The following NECTIN1 variants were observed in gnomAD, a reference collection of about 807,000 sequenced individuals.
The protein encoded by NECTIN1 is nectin-1.
In NECTIN1, 23 loss-of-function variants were observed where a neutral mutation model predicts 48.0. The ratio of observed to expected loss-of-function variants is 0.48; its 90% confidence interval spans 0.34 to 0.68. The LOEUF is 0.68. Among genes scored for constraint, NECTIN1 ranks in the 30% least tolerant of loss-of-function variants. NECTIN1 has a pLI of 0.01. For synonymous variants in NECTIN1, 270 were observed against 288.9 expected (o/e 0.93, Z 0.66); for missense variants, 591 against 709.9 (o/e 0.83, Z 1.90).
At position 119,677,706 on chromosome 11, in the gene NECTIN1, C is replaced by T. The variant is rs760360590; in HGVS notation, c.582G>A (p.Glu194=). Residue 194 remains glutamate (E), a synonymous_variant, in exon 3 of 6, where the codon GAG becomes GAA. Transcript: ENST00000264025. This position sits in a 1 kb window ranked among gnomAD's most constrained non-coding sequence, Gnocchi z 5.4. ...SWETRLKGEA[E]YQEIRNPNGT... Reference sequence around the variant, plus strand: ...CATTGGGGTTCCGGATCTCCTGGTACTCTGCCTCACCTTTTAACCGAGTTT... The same window carrying T: ...CATTGGGGTTCCGGATCTCCTGGTATTCTGCCTCACCTTTTAACCGAGTTT... The T allele has an allele frequency of 1.9e-6, 3 of 1,614,156 alleles. No homozygotes were observed. Among genetic ancestry groups the T allele is most frequent in the Non-Finnish European group, 2.5e-6 (3 of 1,180,024 alleles).
chr11:119,645,436 C>T (rs1358357821), intron 5 of NECTIN1, among the ~76,000 whole-genome samples: 2 of 152,114 alleles, frequency 1.3e-5, no homozygotes, highest in African/African-American at 4.8e-5. Flanking sequence ...GAACCCAGGA[C>T]CCCATCCACA....
chr11:119,722,752 A>C (rs1865853960), intron 1 of NECTIN1, among the ~76,000 whole-genome samples: 1 of 152,226 alleles, frequency 6.6e-6, no homozygotes, highest in Admixed American at 6.5e-5. Context: ...AGCAGTGCGC[A>C]GGCAGCTGAG....
chr11:119,650,043 A>G (rs868186532), intron 5 of NECTIN1, among the ~76,000 whole-genome samples: 1 of 152,032 alleles, frequency 6.6e-6, no homozygotes, highest in Middle Eastern at 3.4e-3. Flanking sequence ...TGGGTAGATA[A>G]AGGAAAATTA....
intron 1 of NECTIN1, chr11:119,713,033 G>T (rs1488935737): frequency 6.6e-6 from 1 of 152,270 alleles, no homozygotes; most frequent in African/African-American, 2.4e-5. Flanking sequence ...GGGTGGGGCG[G>T]GTGGCACCGT....
chr11:119,648,519 C>T (rs1864446333), intron 5 of NECTIN1, among the ~76,000 whole-genome samples: 1 of 149,118 alleles, frequency 6.7e-6, no homozygotes, highest in African/African-American at 2.5e-5. Flanking sequence ...ATGGCTGAGA[C>T]CTCCTGGAGC....
intron 5 of NECTIN1, among the ~76,000 whole-genome samples, chr11:119,649,379 CAAAAA>C (rs559894952): frequency 7.9e-6 from 1 of 126,620 alleles, no homozygotes; most frequent in African/African-American, 2.9e-5. Flanking sequence ...GACTCCATCT[CAAAAA>C]AAAAAAAGAA....
chr11:119,716,865 C>T (rs775039600), intron 1 of NECTIN1, among the ~76,000 whole-genome samples: 19 of 152,346 alleles, frequency 1.2e-4, no homozygotes, highest in East Asian at 5.8e-4. Flanking sequence ...CGCGCACGCA[C>T]GCACGCACAC....
intron 5 of NECTIN1, among the ~76,000 whole-genome samples, chr11:119,671,153 G>C (rs988530462): frequency 2.6e-5 from 4 of 151,508 alleles, no homozygotes; most frequent in Non-Finnish European, 5.9e-5. Context: ...AAGCAGAAGG[G>C]GCTGTCTGGC....
intron 1 of NECTIN1, among the ~76,000 whole-genome samples, chr11:119,700,848 C>T (rs576338651): frequency 6.6e-6 from 1 of 152,248 alleles, no homozygotes; most frequent in East Asian, 1.9e-4. Flanking sequence ...TGAGAAAAGG[C>T]ATCAACTCTG....
downstream of NECTIN1, among the ~76,000 whole-genome samples, chr11:119,660,357 CAAG>C (rs1249506196): frequency 1.3e-5 from 2 of 150,382 alleles, no homozygotes; most frequent in Admixed American, 6.6e-5. Flanking sequence ...AACCGAGGAA[CAAG>C]AAGACCTTCT....
rs542102114 is a variant in NECTIN1 at position 119,661,866 on chromosome 11, G to A, written c.*2881C>T. 169 of 985,388 alleles carry A rather than the reference G, an allele frequency of 1.7e-4. No individual in the cohort carries two copies. The African/African-American group carries it at 2.4e-3, about 14-fold the overall frequency. The allele number at this position is 985,388 out of a possible 1,614,324, so 61.0% of individuals were successfully genotyped here. On this transcript the variant is annotated 3_prime_UTR_variant, in exon 6 of 6. Transcript: ENST00000264025. Reference sequence around the variant, plus strand: ...TACATGCGTGTACACATGCCTGCGCGTGGGTGTGTTGGAGGTGTGAGTGTG... The same window carrying A: ...TACATGCGTGTACACATGCCTGCGCATGGGTGTGTTGGAGGTGTGAGTGTG...
intron 1 of NECTIN1, among the ~76,000 whole-genome samples, chr11:119,702,384 T>C (rs1865472236): frequency 6.6e-6 from 1 of 152,238 alleles, no homozygotes; most frequent in African/African-American, 2.4e-5. Context: ...AGCCTTTTGA[T>C]ACAGAGCCTG....
chr11:119,715,673 C>T (rs182405239), intron 1 of NECTIN1, among the ~76,000 whole-genome samples: 1 of 152,292 alleles, frequency 6.6e-6, no homozygotes, highest in Admixed American at 6.5e-5. Flanking sequence ...GTGTTTAACA[C>T]ATCTTGGCAG....
rs1474968481 is a variant in NECTIN1, at chr11:119,678,215, C to T, written c.430+200G>A. Among the ~76,000 whole-genome samples the T allele has an allele frequency of 6.6e-6, 1 of 152,184 alleles. No individual in the cohort carries two copies. Among genetic ancestry groups the T allele is most frequent in the Non-Finnish European group, 1.5e-5 (1 of 68,044 alleles). On this transcript the variant is annotated intron_variant, in intron 2 of 5. Transcript: ENST00000264025. The surrounding 1 kb of genome is among the most constrained non-coding windows in gnomAD (Gnocchi z 4.4). The stretch of plus-strand genomic sequence containing the variant: ...CCTGAAGAATCACGTTCCCCACTGT[C>T]TAGAGATAAGCCCCTGCCCCTAATC...
Position 119,662,756 on chromosome 11 carries a change from C to G in NECTIN1, c.*1991G>C. 2.0e-6 allele frequency: 2 copies of G among 986,460 alleles called. No homozygotes were observed. The highest frequency in any genetic ancestry group is 2.4e-6 in the Non-Finnish European group (2 of 830,532). 61.1% of individuals were successfully genotyped at this position (986,460 alleles called of 1,614,324 possible). A position where few individuals can be genotyped will look rare whatever the true frequency, so the allele number is the denominator to read the frequency against. ...ACACTAATACTGCTGGGAAAAGCAGCCCAGCTCCTCCACCTCCCTCTGCCC... is the reference window on the plus strand; with the variant it reads ...ACACTAATACTGCTGGGAAAAGCAGGCCAGCTCCTCCACCTCCCTCTGCCC... On this transcript the variant is annotated 3_prime_UTR_variant, in exon 6 of 6. Transcript: ENST00000264025. The surrounding 1 kb of genome is among the most constrained non-coding windows in gnomAD (Gnocchi z 5.3).
At chr11:119,679,956 C>A (rs1223079182) in intron 1 of NECTIN1, among the ~76,000 whole-genome samples, 1 of 152,230 alleles carries the variant, frequency 6.6e-6, no homozygotes, top group Non-Finnish European at 1.5e-5. Flanking sequence ...GGTTACACAT[C>A]TGATTTCTCC....
At position 119,645,358 on chromosome 11, in the gene NECTIN1, G is replaced by A. The variant is rs574409170; in HGVS notation, c.1004-5346C>T. ...CGGAAGGTCTGGGGCAGACTCCAGC[G>A]GTCTCACTGCTGGGAGGGCTCCCAA... is the stretch of plus-strand genomic sequence containing the variant. On this transcript the variant is annotated intron_variant, in intron 5 of 7. Transcript: ENST00000341398. 3.8e-4 allele frequency among the ~76,000 whole-genome samples: 58 copies of A among 152,250 alleles called. 1 individual carries two copies. The South Asian group carries it at 0.011, about 28-fold the overall frequency.
At chr11:119,699,334 G>T (rs888952008) in intron 1 of NECTIN1, among the ~76,000 whole-genome samples, 1 of 149,808 alleles carries the variant, frequency 6.7e-6, no homozygotes, top group Admixed American at 6.7e-5. Context: ...TAAGAGTTCC[G>T]ACTGTCCTCA....
chr11:119,728,427 G>C (rs762481936), intron 1 of NECTIN1, 48 bp downstream of exon 1: 119 of 1,512,756 alleles, frequency 7.9e-5, no homozygotes, highest in Non-Finnish European at 1.0e-4. Context: ...TCCCAGCCCC[G>C]GGGAGGCATT....
Sources: allele counts gnomAD v4.1 joint callset (sites outside exome capture counted in the v4.1 genomes callset), GRCh38; gene constraint gnomAD v4.1.1; non-coding constraint Gnocchi (gnomAD v3.1); transcripts MANE v1.5; gene names NCBI Gene and HGNC (gene_info 2026-07-23, HGNC 2026-07-21).